KCNA6: variants seen among roughly 807,000 people sequenced by gnomAD.
KCNA6 encodes the protein potassium voltage-gated channel subfamily A member 6, also known as human brain potassium channel-2.
In KCNA6, 17 loss-of-function variants were observed where a neutral mutation model predicts 29.5. The ratio of observed to expected loss-of-function variants is 0.58; its 90% CI spans 0.39 to 0.86. The LOEUF (loss-of-function observed/expected upper bound fraction) is 0.86, where lower values mean the gene tolerates loss of function less well. KCNA6 is among the 40% of genes least tolerant of loss of function. The pLI is 0.00. For synonymous variants in KCNA6, 296 were observed against 304.7 expected (o/e 0.97, Z 0.30); for missense variants, 450 against 703.4 (o/e 0.64, Z 4.07).
At chr12:4,824,776 T>C in the KCNA6 span, among the ~76,000 whole-genome samples, 1 of 152,220 alleles carries the variant, frequency 6.6e-6, no homozygotes, top group African/African-American at 2.4e-5. Flanking sequence ...GTCAACACTT[T>C]TCTTTGCAAT....
At chr12:4,819,254 C>T in the KCNA6 span, among the ~76,000 whole-genome samples, 11 of 152,146 alleles carry the variant, frequency 7.2e-5, no homozygotes, top group African/African-American at 2.2e-4. Context: ...ACACTGCATT[C>T]GAGTTTTCCT....
the KCNA6 span, among the ~76,000 whole-genome samples, chr12:4,825,053 A>T: frequency 3.3e-5 from 5 of 152,204 alleles, no homozygotes; most frequent in African/African-American, 1.2e-4. Flanking sequence ...AGAATCCATA[A>T]TATAGACTCC....
the KCNA6 span, among the ~76,000 whole-genome samples, chr12:4,828,639 AG>A: frequency 6.6e-6 from 1 of 152,222 alleles, no homozygotes; most frequent in Non-Finnish European, 1.5e-5. Flanking sequence ...CATGTCTCTA[AG>A]GGCTTATGTG....
downstream of KCNA6, among the ~76,000 whole-genome samples, chr12:4,816,282 G>C (rs929063606): frequency 2.0e-5 from 3 of 151,430 alleles, no homozygotes; most frequent in East Asian, 3.9e-4. Flanking sequence ...GTGTGTGTGT[G>C]TGTGTGTGTG....
At chr12:4,817,235 C>T (rs1233951121), downstream of KCNA6, among the ~76,000 whole-genome samples, 1 of 152,214 alleles carries the variant, frequency 6.6e-6, no homozygotes, top group Non-Finnish European at 1.5e-5. Context: ...CATCCCGCTT[C>T]ATATTTTGCC....
At chr12:4,809,956 G>C (rs909665353) in exon 1 of KCNA6, 1 of 1,445,574 alleles carries the variant, frequency 6.9e-7, no homozygotes, top group Non-Finnish European at 9.1e-7. Context: ...AGAGGGCGCA[G>C]CCGGGAGCTG....
At chr12:4,840,190 GATT>G in the KCNA6 span, among the ~76,000 whole-genome samples, 896 of 51,328 alleles carry the variant, frequency 0.017, 12 homozygotes, top group African/African-American at 0.038. Flanking sequence ...CATTGATGAT[GATT>G]ATTATCTATC....
In KCNA6 at chr12:4,810,787, C is replaced by T. The variant is rs763515296; in HGVS notation, c.746C>T (p.Ser249Phe). The T allele has an allele frequency of 5.6e-6, 9 of 1,593,890 alleles. No homozygotes were observed. Among genetic ancestry groups the T allele is most frequent in the Non-Finnish European group, 4.3e-6 (5 of 1,170,510 alleles). Residue 249 changes from serine (S) to phenylalanine (F), a missense_variant, in exon 1 of 1, where the codon TCC (serine) becomes TTC (phenylalanine). Physicochemically the swap from Ser to Phe is radical, Grantham distance 155. Around this residue, in one of 7 missense-constraint regions of KCNA6, gnomAD observed 74 missense variants for 71.5 expected, o/e 1.03. Coordinates refer to ENST00000280684, the Ensembl canonical transcript of KCNA6. This position sits in a 1 kb window ranked among gnomAD's most constrained non-coding sequence, Gnocchi z 7.5. ...GGGGAAATGGGGACCGGGGGCTCCT[C>T]CTCACTCAGTACTCTTGGGGGCTCC...
the KCNA6 span, among the ~76,000 whole-genome samples, chr12:4,832,762 A>G: frequency 5.3e-5 from 8 of 152,182 alleles, no homozygotes; most frequent in East Asian, 1.4e-3. Context: ...TCGAAATCCT[A>G]AATCTCCTTC....
chr12:4,810,735 T>C lies in KCNA6; in HGVS notation c.694T>C (p.Tyr232His), dbSNP rs557012641. Reference sequence around the variant, plus strand: ...GGAAGAGGAGGATGAAGACGATTCCTACACATTTCATCATGGCATCACCCC... The same window carrying C: ...GGAAGAGGAGGATGAAGACGATTCCCACACATTTCATCATGGCATCACCCC... Residue 232 changes from tyrosine to histidine, a missense_variant, in exon 1 of 1, where the codon TAC becomes CAC. By Grantham distance (83) the Tyr-to-His change is moderately conservative. Transcript: ENST00000280684. This position sits in a 1 kb window ranked among gnomAD's most constrained non-coding sequence, Gnocchi z 7.5. The C allele has an allele frequency of 1.9e-5, 30 of 1,611,602 alleles. 1 individual carries two copies. In the South Asian group the frequency reaches 3.3e-4, roughly 18 times the overall value.
the KCNA6 span, among the ~76,000 whole-genome samples, chr12:4,846,306 T>C: frequency 2.0e-5 from 3 of 152,236 alleles, no homozygotes; most frequent in African/African-American, 7.2e-5. Flanking sequence ...CTTAGGAAAA[T>C]TGACTTCCAA....
the KCNA6 span, among the ~76,000 whole-genome samples, chr12:4,835,934 G>GTTTTTTTTTTTTTTTTT: frequency 7.3e-6 from 1 of 137,202 alleles, no homozygotes; most frequent in Non-Finnish European, 1.6e-5. Context: ...AAAAGTCGCT[G>GTTTTTTTTTTTTTTTTT]TTTTTTTTTT....
At chr12:4,812,260 G>C (rs1399215734) in exon 1 of KCNA6, 1 of 167,624 alleles carries the variant, frequency 6.0e-6, no homozygotes, top group Non-Finnish European at 1.5e-5. Flanking sequence ...TGGAGGACAC[G>C]GGGTTAGTCC....
At chr12:4,832,528 A>G in the KCNA6 span, among the ~76,000 whole-genome samples, 1 of 152,040 alleles carries the variant, frequency 6.6e-6, no homozygotes, top group African/African-American at 2.4e-5. Flanking sequence ...ATTGGCTTGT[A>G]CCTCTGGCCC....
chr12:4,810,865 C>T lies in KCNA6; in HGVS notation c.824C>T (p.Thr275Ile), dbSNP rs1171869914. ...GAGACGCTGTGCATTGTCTGGTTCA[C>T]TTTTGAGCTCCTGGTGCGCTTCTCC... is the stretch of plus-strand genomic sequence containing the variant. The change falls in exon 1 of 1, where the codon ACT becomes ATT. Residue 275 changes from threonine (T) to isoleucine (I), a missense_variant. Thr to Ile is a moderately conservative substitution (Grantham distance 89). Transcript: ENST00000280684. This position sits in a 1 kb window ranked among gnomAD's most constrained non-coding sequence, Gnocchi z 7.5. The T allele has an allele frequency of 1.2e-6, 2 of 1,611,690 alleles. No individual in the cohort carries two copies. Among genetic ancestry groups the T allele is most frequent in the Admixed American group, 3.3e-5 (2 of 59,954 alleles).
chr12:4,838,946 T>TAG, the KCNA6 span: 1 of 152,238 alleles, frequency 6.6e-6, no homozygotes. Flanking sequence ...TCCTGAGGTG[T>TAG]AGGGCTTCAG....
At chr12:4,829,267 C>T in the KCNA6 span, among the ~76,000 whole-genome samples, 4 of 152,100 alleles carry the variant, frequency 2.6e-5, no homozygotes, top group African/African-American at 2.4e-5. Context: ...CTACTGTAAC[C>T]CCATCCCCCC....
At chr12:4,815,144 C>T (rs1946669620), downstream of KCNA6, among the ~76,000 whole-genome samples, 1 of 151,856 alleles carries the variant, frequency 6.6e-6, no homozygotes, top group Non-Finnish European at 1.5e-5. Flanking sequence ...CATCTTCTTC[C>T]TTCTATGTGT....
the KCNA6 span, among the ~76,000 whole-genome samples, chr12:4,846,419 A>G: frequency 7.2e-5 from 11 of 152,258 alleles, no homozygotes; most frequent in East Asian, 1.9e-4. Flanking sequence ...TGACATATTT[A>G]TTAGTTCAGT....
Sources: allele counts gnomAD v4.1 joint callset (sites outside exome capture counted in the v4.1 genomes callset), GRCh38; gene constraint gnomAD v4.1.1; regional missense constraint gnomAD v4.1.1; non-coding constraint Gnocchi (gnomAD v3.1); transcripts MANE v1.5; gene names NCBI Gene and HGNC (gene_info 2026-07-23, HGNC 2026-07-21).